The following AFG1L variants were observed in gnomAD, a reference collection of about 807,000 sequenced individuals.
The protein encoded by AFG1L is AFG1 like ATPase.
Under a neutral mutation model 62.2 loss-of-function variants are expected in AFG1L, and 53 were observed. That is an observed-to-expected ratio of 0.85 (90% CI 0.68 to 1.07). AFG1L has a LOEUF of 1.07. Among genes scored for constraint, AFG1L ranks in the 50% least tolerant of loss-of-function variants. The probability of loss-of-function intolerance (pLI) is 0.00; values close to 1 mark genes in which losing one functional copy is unlikely to be tolerated. For missense variants in AFG1L, 555 were observed against 590.5 expected (o/e 0.94, Z 0.62); for synonymous variants, 228 against 210.3 (o/e 1.08, Z -0.73).
intron 2 of AFG1L, among the ~76,000 whole-genome samples, chr6:108,333,492 C>T (rs1372125830): frequency 2.0e-5 from 3 of 151,916 alleles, no homozygotes; most frequent in South Asian, 4.2e-4. Flanking sequence ...CCTGTAATCT[C>T]AACACTATGA....
chr6:108,492,480 A>G (rs1773812804), intron 10 of AFG1L, among the ~76,000 whole-genome samples: 1 of 152,254 alleles, frequency 6.6e-6, no homozygotes, highest in African/African-American at 2.4e-5. Context: ...GAAAGAGAAT[A>G]CAAAAGTGGT....
intron 8 of AFG1L, among the ~76,000 whole-genome samples, chr6:108,474,814 A>G (rs765898019): frequency 6.6e-6 from 1 of 152,206 alleles, no homozygotes; most frequent in Non-Finnish European, 1.5e-5. Context: ...GGTAGATTAC[A>G]AAACTTTCTC....
At chr6:108,446,804 C>A (rs1374202439) in intron 7 of AFG1L, among the ~76,000 whole-genome samples, 1 of 152,052 alleles carries the variant, frequency 6.6e-6, no homozygotes, top group East Asian at 1.9e-4. Context: ...ATTGTCCACT[C>A]CCAGCTCTCT....
intron 7 of AFG1L, among the ~76,000 whole-genome samples, chr6:108,413,172 G>A (rs1035517147): frequency 2.6e-5 from 4 of 152,146 alleles, no homozygotes; most frequent in African/African-American, 9.7e-5. Flanking sequence ...GAGCAAGAAG[G>A]CCATTACATA....
chr6:108,512,598 G>A (rs1377529452), intron 11 of AFG1L, among the ~76,000 whole-genome samples: 3 of 152,116 alleles, frequency 2.0e-5, no homozygotes, highest in African/African-American at 7.2e-5. Flanking sequence ...GCTCATAGTG[G>A]AGGATGGAGA....
chr6:108,336,760 A>T (rs921038551), intron 2 of AFG1L, among the ~76,000 whole-genome samples: 6 of 152,198 alleles, frequency 3.9e-5, no homozygotes, highest in African/African-American at 1.4e-4. Flanking sequence ...TCAATGATAT[A>T]CTTAGATCCA....
At chr6:108,409,683 G>A (rs950061984) in intron 7 of AFG1L, among the ~76,000 whole-genome samples, 5 of 152,050 alleles carry the variant, frequency 3.3e-5, no homozygotes. Flanking sequence ...TAAACTGAGA[G>A]CAGACCATTA....
At chr6:108,424,633 G>C (rs1241119456) in intron 7 of AFG1L, among the ~76,000 whole-genome samples, 1 of 151,998 alleles carries the variant, frequency 6.6e-6, no homozygotes, top group East Asian at 1.9e-4. Context: ...GAGATATATT[G>C]TAATATATAT....
intron 7 of AFG1L, among the ~76,000 whole-genome samples, chr6:108,429,942 A>G (rs1202996081): frequency 6.6e-6 from 1 of 151,676 alleles, no homozygotes; most frequent in Admixed American, 6.6e-5. Context: ...GTGTCATGTT[A>G]TTATGTATTT....
At chr6:108,381,995 C>CTTTTTTT (rs1227478281) in intron 6 of AFG1L, among the ~76,000 whole-genome samples, 3 of 138,210 alleles carry the variant, frequency 2.2e-5, no homozygotes, top group African/African-American at 8.5e-5. Flanking sequence ...TTTTTATTCA[C>CTTTTTTT]TGTTTTTTTT....
At chr6:108,455,765 A>C (rs1772231558) in intron 8 of AFG1L, among the ~76,000 whole-genome samples, 1 of 152,108 alleles carries the variant, frequency 6.6e-6, no homozygotes, top group Admixed American at 6.5e-5. Context: ...CTTTCTGTTA[A>C]TGATTCCCAG....
chr6:108,377,764 T>C (rs1448986297), intron 6 of AFG1L, among the ~76,000 whole-genome samples: 1 of 152,004 alleles, frequency 6.6e-6, no homozygotes, highest in African/African-American at 2.4e-5. Context: ...GCAGGTGTTC[T>C]CTGGATTTCT....
chr6:108,338,917 G>A (rs1778572221), intron 2 of AFG1L, among the ~76,000 whole-genome samples: 1 of 152,076 alleles, frequency 6.6e-6, no homozygotes, highest in African/African-American at 2.4e-5. Context: ...TAGTCTTGCT[G>A]TGTCACCCAG....
intron 8 of AFG1L, among the ~76,000 whole-genome samples, chr6:108,470,886 T>C (rs1024613869): frequency 2.6e-5 from 4 of 152,194 alleles, no homozygotes; most frequent in Non-Finnish European, 5.9e-5. Flanking sequence ...GACAGGAACA[T>C]GAACAAGAAC....
chr6:108,399,952 T>C (rs549983808), intron 6 of AFG1L, among the ~76,000 whole-genome samples: 1 of 151,876 alleles, frequency 6.6e-6, no homozygotes, highest in Admixed American at 6.6e-5. Context: ...CTAATTTTTG[T>C]ATTTTTTGTG....
At chr6:108,442,765 C>A (rs1477925010) in intron 7 of AFG1L, among the ~76,000 whole-genome samples, 1 of 152,098 alleles carries the variant, frequency 6.6e-6, no homozygotes, top group Non-Finnish European at 1.5e-5. Context: ...ACCAAGCATC[C>A]CAGATTGTCT....
At chr6:108,463,285 TCAAAAAA>T (rs1772534443) in intron 8 of AFG1L, among the ~76,000 whole-genome samples, 1 of 81,790 alleles carries the variant, frequency 1.2e-5, no homozygotes, top group African/African-American at 5.9e-5. Context: ...TGAGACTCTG[TCAAAAAA>T]AAAAAAAAAA....
At chr6:108,353,348 A>C (rs909598882) in intron 3 of AFG1L, among the ~76,000 whole-genome samples, 81 of 151,886 alleles carry the variant, frequency 5.3e-4, no homozygotes, top group African/African-American at 1.9e-3. Flanking sequence ...TAGAGATGAG[A>C]TCTCACTATG....
chr6:108,363,276 A>G (rs1011327022), intron 5 of AFG1L, among the ~76,000 whole-genome samples: 1 of 152,072 alleles, frequency 6.6e-6, no homozygotes, highest in African/African-American at 2.4e-5. Context: ...TTATATAGGT[A>G]AACATGTGTC....
Sources: gnomAD v4.1 joint callset for allele counts (sites outside exome capture counted in the v4.1 genomes callset) on GRCh38, gnomAD v4.1.1 for gene constraint, MANE v1.5 for transcripts, NCBI Gene and HGNC (gene_info 2026-07-23, HGNC 2026-07-21) for gene names.